ADAMTS20: variants seen among roughly 807,000 people sequenced by gnomAD.
ADAMTS20 encodes A disintegrin and metalloproteinase with thrombospondin motifs 20.
ADAMTS20 carries 225 observed loss-of-function variants against 260.1 expected under a neutral mutation model. The ratio of observed to expected loss-of-function variants is 0.87; its 90% CI spans 0.78 to 0.97. ADAMTS20 has a LOEUF of 0.97. Among genes scored for constraint, ADAMTS20 ranks in the 50% least tolerant of loss-of-function variants. The pLI is 0.00. For missense variants in ADAMTS20, 2,400 were observed against 2,337.7 expected (o/e 1.03, Z -0.55); for synonymous variants, 802 against 769.5 (o/e 1.04, Z -0.70).
intron 28 of ADAMTS20, among the ~76,000 whole-genome samples, chr12:43,417,233 C>A (rs1941149901): frequency 6.6e-6 from 1 of 152,142 alleles, no homozygotes; most frequent in Admixed American, 6.5e-5. Flanking sequence ...TTCCCTGAGT[C>A]ACAGCTGCAA....
intron 27 of ADAMTS20, among the ~76,000 whole-genome samples, chr12:43,426,722 C>T (rs897485047): frequency 4.6e-5 from 7 of 152,076 alleles, no homozygotes; most frequent in African/African-American, 1.4e-4. Context: ...ATATTTTATT[C>T]TAGTTTTCTA....
At position 43,435,785 on chromosome 12, in the gene ADAMTS20, C is replaced by T. The variant is rs183132516; in HGVS notation, c.2594-1414G>A. On this transcript the variant is annotated intron_variant, in intron 18 of 38. Coordinates refer to ENST00000389420, the MANE Select transcript of ADAMTS20 (RefSeq NM_025003.5). ...AACATGACATGAGCAATAAATAAAC[C>T]TTTATTGTTCCAAGCCATTAAGATT... Among the ~76,000 whole-genome samples the T allele has an allele frequency of 7.9e-4, 118 of 149,988 alleles. 1 individual carries two copies. Among genetic ancestry groups the T allele is most frequent in the African/African-American group, 2.7e-3 (111 of 40,908 alleles).
intron 28 of ADAMTS20, among the ~76,000 whole-genome samples, chr12:43,416,718 T>A (rs1941138498): frequency 6.6e-6 from 1 of 151,994 alleles, no homozygotes; most frequent in African/African-American, 2.4e-5. Context: ...GAGACGGGGT[T>A]TCACCGTGTT....
intron 28 of ADAMTS20, among the ~76,000 whole-genome samples, chr12:43,402,832 C>T (rs1336499664): frequency 1.3e-5 from 2 of 151,956 alleles, no homozygotes; most frequent in African/African-American, 4.8e-5. Flanking sequence ...CAAAAATCAG[C>T]CCTAGTTCCC....
chr12:43,406,161 C>T (rs545385543), intron 28 of ADAMTS20, among the ~76,000 whole-genome samples: 50 of 151,990 alleles, frequency 3.3e-4, no homozygotes, highest in Admixed American at 6.6e-5. Context: ...TTTAAACATC[C>T]ACATATTATA....
chr12:43,440,085 G>T lies in ADAMTS20; in HGVS notation c.2291-16C>A. On this transcript the variant is annotated splice_polypyrimidine_tract_variant and intron_variant, in intron 16 of 38. Coordinates refer to ENST00000389420, the MANE Select transcript of ADAMTS20 (RefSeq NM_025003.5). ...TCAGATAATGCTGTAAAAGAATAAA[G>T]CATAACTCATGAAATAGTAACACCA... 1 of 1,520,398 alleles carries T rather than the reference G, an allele frequency of 6.6e-7. No individual in the cohort carries two copies. The highest frequency in any genetic ancestry group is 1.4e-5 in the African/African-American group (1 of 71,750). The allele number at this position is 1,520,398 out of a possible 1,614,324, so 94.2% of individuals were successfully genotyped here. A position where few individuals can be genotyped will look rare whatever the true frequency, so the allele number is the denominator to read the frequency against.
In ADAMTS20 at chr12:43,539,574, A is replaced by G. The variant is rs549245828; in HGVS notation, c.454-7379T>C. On this transcript the variant is annotated intron_variant, in intron 2 of 38. Coordinates refer to ENST00000389420, the MANE Select transcript of ADAMTS20 (RefSeq NM_025003.5). ...TACCAGTGTCTATTTTCTAAAGATA[A>G]CTACAAATCACTTACTTTCAACAAA... Among the ~76,000 whole-genome samples, 4 of 152,316 alleles carry G rather than the reference A, an allele frequency of 2.6e-5. No individual in the cohort carries two copies. In the East Asian group the frequency reaches 7.7e-4, roughly 29 times the overall value.
chr12:43,416,634 C>T (rs1039407722), intron 28 of ADAMTS20, among the ~76,000 whole-genome samples: 1 of 151,536 alleles, frequency 6.6e-6, no homozygotes, highest in Non-Finnish European at 1.5e-5. Context: ...CACCATTCTC[C>T]CTCAGCCTCC....
intron 29 of ADAMTS20, 83 bp from the exon 30 acceptor site, chr12:43,384,060 T>G: frequency 8.0e-7 from 1 of 1,254,124 alleles, no homozygotes; most frequent in Non-Finnish European, 1.1e-6. Flanking sequence ...CATTACATAT[T>G]ATTTATTTTA....
intron 15 of ADAMTS20, among the ~76,000 whole-genome samples, chr12:43,445,700 A>AC: frequency 6.6e-6 from 1 of 151,646 alleles, no homozygotes; most frequent in Non-Finnish European, 1.5e-5. Context: ...ACACACACAC[A>AC]AATTAGATGG....
intron 6 of ADAMTS20, 55 bp downstream of exon 6, chr12:43,492,450 A>G (rs1355099495): frequency 1.9e-6 from 3 of 1,566,036 alleles, no homozygotes; most frequent in Non-Finnish European, 2.6e-6. Flanking sequence ...AGTATCAGTC[A>G]TGCAGGAGGG....
rs1047299184 is a variant in ADAMTS20 at position 43,550,805 on chromosome 12, C to T, written c.453+104G>A. On this transcript the variant is annotated intron_variant, in intron 2 of 38. Transcript: ENST00000389420. Reference sequence around the variant, plus strand: ...AATCCTTCTTGTAGCCCAACCTGAACTCCAGGGTCATCAGCCACCAACTCG... The same window carrying T: ...AATCCTTCTTGTAGCCCAACCTGAATTCCAGGGTCATCAGCCACCAACTCG... 4.9e-6 allele frequency: 7 copies of T among 1,424,028 alleles called. No homozygotes were observed. In the African/African-American group the frequency reaches 1.0e-4, roughly 21 times the overall value. 88.2% of individuals were successfully genotyped at this position (1,424,028 alleles called of 1,614,324 possible).
rs543219599 is a variant in ADAMTS20, at chr12:43,379,163, C to G, written c.4798-1601G>C. Reference sequence around the variant, plus strand: ...TTTAGTGGTTTTCTGGAAGACCCCACTTGCAAGAATGTCTTTATTTGACCT... The same window carrying G: ...TTTAGTGGTTTTCTGGAAGACCCCAGTTGCAAGAATGTCTTTATTTGACCT... On this transcript the variant is annotated intron_variant, in intron 31 of 38. Coordinates refer to ENST00000389420, the MANE Select transcript of ADAMTS20 (RefSeq NM_025003.5). Among the ~76,000 whole-genome samples, 4 of 152,254 alleles carry G rather than the reference C, an allele frequency of 2.6e-5. No individual in the cohort carries two copies. In the South Asian group the frequency reaches 6.2e-4, roughly 24 times the overall value.
intron 3 of ADAMTS20, among the ~76,000 whole-genome samples, chr12:43,505,786 T>C (rs771324066): frequency 1.2e-4 from 18 of 152,172 alleles, no homozygotes; most frequent in Non-Finnish European, 2.5e-4. Flanking sequence ...CCAGCAATCC[T>C]ACTGGGGTAA....
chr12:43,495,796 T>A (rs1942670155), intron 4 of ADAMTS20, among the ~76,000 whole-genome samples: 1 of 152,220 alleles, frequency 6.6e-6, no homozygotes, highest in African/African-American at 2.4e-5. Context: ...AAGAAAGTGA[T>A]ATTTTGCTTT....
chr12:43,463,059 A>G (rs774148990), intron 10 of ADAMTS20, 60 bp from the exon 11 acceptor site: 3 of 1,159,364 alleles, frequency 2.6e-6, no homozygotes, highest in African/African-American at 3.0e-5. Context: ...CACTGGTTCA[A>G]TTCAGTATTA....
chr12:43,536,405 A>G (rs565071660), intron 2 of ADAMTS20, among the ~76,000 whole-genome samples: 1 of 152,344 alleles, frequency 6.6e-6, no homozygotes, highest in African/African-American at 2.4e-5. Flanking sequence ...CTAACGATAC[A>G]GAGATAAATG....
At chr12:43,486,811 CAT>C (rs1942529165) in intron 7 of ADAMTS20, among the ~76,000 whole-genome samples, 1 of 152,036 alleles carries the variant, frequency 6.6e-6, no homozygotes, top group African/African-American at 2.4e-5. Flanking sequence ...GGCCAACAAA[CAT>C]ATGAAAAAAT....
chr12:43,360,162 T>C (rs1240772993), intron 37 of ADAMTS20, among the ~76,000 whole-genome samples: 1 of 152,082 alleles, frequency 6.6e-6, no homozygotes, highest in Non-Finnish European at 1.5e-5. Context: ...AAAACACATA[T>C]CACCGGCCGG....
Sources: gnomAD v4.1 joint callset for allele counts (sites outside exome capture counted in the v4.1 genomes callset) on GRCh38, gnomAD v4.1.1 for gene constraint, MANE v1.5 for transcripts, NCBI Gene and HGNC (gene_info 2026-07-23, HGNC 2026-07-21) for gene names.